Variants in SCUBE2 observed in about 807,000 individuals in gnomAD.
SCUBE2 encodes the protein signal peptide, CUB domain and EGF like domain containing 2, also known as signal peptide, CUB and EGF-like domain-containing protein 2.
A neutral mutation model predicts 125.9 loss-of-function variants in SCUBE2; 114 were observed. The ratio of observed to expected loss-of-function variants is 0.91; its 90% CI spans 0.78 to 1.06. The LOEUF (loss-of-function observed/expected upper bound fraction) is 1.06. Among genes scored for constraint, SCUBE2 ranks in the 50% least tolerant of loss-of-function variants. The pLI is 0.00. For missense variants in SCUBE2, 1,255 were observed against 1,301.8 expected, an observed-to-expected ratio of 0.96 and a Z score of 0.55; for synonymous variants, 459 against 492.9, an observed-to-expected ratio of 0.93 and a Z score of 0.91.
At chr11:9,040,759 G>A (rs549413423) in intron 16 of SCUBE2, among the ~76,000 whole-genome samples, 1 of 152,138 alleles carries the variant, frequency 6.6e-6, no homozygotes, top group Admixed American at 6.5e-5. Flanking sequence ...CATAAAGGGA[G>A]GATTCATATC....
intron 16 of SCUBE2, among the ~76,000 whole-genome samples, chr11:9,034,755 C>T (rs142516590): frequency 2.0e-5 from 3 of 151,990 alleles, no homozygotes; most frequent in Admixed American, 2.0e-4. Context: ...CCAAGGTGGG[C>T]GGATCACCTG....
rs138463590 is a variant in SCUBE2, at chr11:9,020,028, G to A, written c.*1017C>T. Among the ~76,000 whole-genome samples, 106 of 152,326 alleles carry A rather than the reference G, an allele frequency of 7.0e-4. No individual in the cohort carries two copies. Among genetic ancestry groups the A allele is most frequent in the African/African-American group, 2.4e-3 (101 of 41,562 alleles). On this transcript the variant is annotated 3_prime_UTR_variant, in exon 23 of 23. Coordinates refer to ENST00000649792, the MANE Select transcript of SCUBE2 (RefSeq NM_001367977.2). Reference sequence around the variant, plus strand: ...AGAGAATGAGACCACCCTTCAAGGGGCTGCTCATGTCCACGGAGCAGAGTC... The same window carrying A: ...AGAGAATGAGACCACCCTTCAAGGGACTGCTCATGTCCACGGAGCAGAGTC...
chr11:9,066,100 C>T (rs1033462609), intron 6 of SCUBE2, 120 bp from the exon 7 acceptor site: 2 of 687,400 alleles, frequency 2.9e-6, no homozygotes, highest in African/African-American at 3.5e-5. Flanking sequence ...TGACTCTGTT[C>T]ACGCAATAAA....
chr11:9,024,804 C>T (rs1273358919), intron 21 of SCUBE2, among the ~76,000 whole-genome samples: 1 of 152,222 alleles, frequency 6.6e-6, no homozygotes, highest in African/African-American at 2.4e-5. Context: ...CTTCTAAAAG[C>T]TCATGTAAAA....
At chr11:9,087,078 C>A (rs1448461050) in intron 2 of SCUBE2, among the ~76,000 whole-genome samples, 1 of 151,798 alleles carries the variant, frequency 6.6e-6, no homozygotes. Flanking sequence ...AATCACATAT[C>A]ATTTTAAAAT....
chr11:9,065,649 G>A (rs1468831650), intron 7 of SCUBE2, among the ~76,000 whole-genome samples: 1 of 152,180 alleles, frequency 6.6e-6, no homozygotes, highest in African/African-American at 2.4e-5. Flanking sequence ...ACAGCTAGGT[G>A]GGGGCTGCAT....
intron 19 of SCUBE2, 40 bp downstream of exon 19, chr11:9,029,844 T>G: frequency 6.2e-7 from 1 of 1,612,612 alleles, no homozygotes; most frequent in Non-Finnish European, 8.5e-7. Context: ...ACACCTATCT[T>G]CTTAGCCAGA....
At position 9,030,868 on chromosome 11, in the gene SCUBE2, G is replaced by A. The variant is rs1856242319; in HGVS notation, c.2231C>T (p.Ala744Val). 3 of 1,614,070 alleles carry A rather than the reference G, an allele frequency of 1.9e-6. No homozygotes were observed. Among genetic ancestry groups the A allele is most frequent in the Non-Finnish European group, 2.5e-6 (3 of 1,180,028 alleles). The change falls in exon 18 of 23, where the codon GCC (alanine) becomes GTC (valine). Residue 744 changes from alanine to valine, a missense_variant. By Grantham distance (64) the Ala-to-Val change is moderately conservative. Coordinates refer to ENST00000649792, the MANE Select transcript of SCUBE2 (RefSeq NM_001367977.2). ...AGCTTCAGGCTGGAACGTGCCCAGG[G>A]CACAGAGCTGGCAAGGTGCAAAGCC... ...ADGFAPCQLCALGTFQPEAGR... is the reference protein window; with the variant it reads ...ADGFAPCQLCVLGTFQPEAGR...
chr11:9,084,628 A>C (rs1266139384), intron 2 of SCUBE2, among the ~76,000 whole-genome samples: 1 of 152,256 alleles, frequency 6.6e-6, no homozygotes, highest in Admixed American at 6.5e-5. Flanking sequence ...GGACATGTTA[A>C]CATCATGTGC....
In SCUBE2 at chr11:9,072,851, G is replaced by A. The variant is rs184903924; in HGVS notation, c.517+1630C>T. Among the ~76,000 whole-genome samples the A allele has an allele frequency of 3.9e-5, 6 of 152,364 alleles. No homozygotes were observed. The East Asian group carries it at 9.6e-4, about 24-fold the overall frequency. ...GAAAATTTAGAAAACACAGTTTGCA[G>A]AAAGGAACTGCATTTGTATTTGCTT... On this transcript the variant is annotated intron_variant, in intron 4 of 22. Transcript: ENST00000649792.
intron 22 of SCUBE2, 149 bp downstream of exon 22, chr11:9,021,727 A>C (rs1855307738): frequency 2.0e-6 from 1 of 496,556 alleles, no homozygotes; most frequent in Non-Finnish European, 3.6e-6. Flanking sequence ...TTTAAAAATT[A>C]AGTCTGGTGA....
chr11:9,027,575 T>A lies in SCUBE2; in HGVS notation c.2504-14A>T. 2 of 1,607,928 alleles carry A rather than the reference T, an allele frequency of 1.2e-6. No individual in the cohort carries two copies. Among genetic ancestry groups the A allele is most frequent in the Non-Finnish European group, 1.7e-6 (2 of 1,175,830 alleles). ...CACATCTTCTGTCTGAAAAAGGAGATGCCCCGAGTTATGGCACGACACTGT... is the reference window on the plus strand; with the variant it reads ...CACATCTTCTGTCTGAAAAAGGAGAAGCCCCGAGTTATGGCACGACACTGT... On this transcript the variant is annotated splice_polypyrimidine_tract_variant and intron_variant, in intron 19 of 22. Coordinates refer to ENST00000649792, the MANE Select transcript of SCUBE2 (RefSeq NM_001367977.2).
chr11:9,080,962 T>C (rs1211189568), intron 2 of SCUBE2, among the ~76,000 whole-genome samples: 1 of 152,156 alleles, frequency 6.6e-6, no homozygotes, highest in Non-Finnish European at 1.5e-5. Context: ...TACAATGATA[T>C]GCAAATGACC....
chr11:9,027,419 CTCAGGGACCACGA>C lies in SCUBE2; in HGVS notation c.2633_2645del (p.Ile878ArgfsTer6). Reference sequence around the variant, plus strand: ...AGTCGTCCTCTATGGGCAGGAAGATCTCAGGGACCACGATCAGGATGCGGCGCTTGGGGGGTGG... The same window carrying C: ...AGTCGTCCTCTATGGGCAGGAAGATCTCAGGATGCGGCGCTTGGGGGGTGG... On this transcript the variant is annotated frameshift_variant, in exon 20 of 23. Transcript: ENST00000649792. LOFTEE classifies it high-confidence loss of function. The C allele has an allele frequency of 1.9e-6, 3 of 1,614,078 alleles. No individual in the cohort carries two copies. Among genetic ancestry groups the C allele is most frequent in the Non-Finnish European group, 2.5e-6 (3 of 1,180,016 alleles).
chr11:9,086,070 G>A (rs1862044156), intron 2 of SCUBE2, among the ~76,000 whole-genome samples: 1 of 152,122 alleles, frequency 6.6e-6, no homozygotes, highest in Non-Finnish European at 1.5e-5. Flanking sequence ...TTGAGCTCAA[G>A]GTATCCTCCT....
At chr11:9,077,298 T>G (rs1861282553) in intron 3 of SCUBE2, among the ~76,000 whole-genome samples, 1 of 152,080 alleles carries the variant, frequency 6.6e-6, no homozygotes, top group Non-Finnish European at 1.5e-5. Flanking sequence ...GTGATTCCAG[T>G]GTGCGGCCAG....
At chr11:9,045,592 C>G (rs886413178) in intron 16 of SCUBE2, among the ~76,000 whole-genome samples, 5 of 141,706 alleles carry the variant, frequency 3.5e-5, no homozygotes, top group Non-Finnish European at 7.6e-5. Flanking sequence ...TAGACCAGGA[C>G]TAGAAGACAG....
At chr11:9,034,706 C>A (rs778362853) in intron 16 of SCUBE2, among the ~76,000 whole-genome samples, 1 of 152,144 alleles carries the variant, frequency 6.6e-6, no homozygotes, top group South Asian at 2.1e-4. Flanking sequence ...ACAGGCTGTG[C>A]GCAGTGGCTC....
At position 9,044,502 on chromosome 11, in the gene SCUBE2, G is replaced by A. The variant is rs1252083655; in HGVS notation, c.2002+2854C>T. Among the ~76,000 whole-genome samples, 3 of 152,086 alleles carry A rather than the reference G, an allele frequency of 2.0e-5. No individual in the cohort carries two copies. The East Asian group carries it at 5.8e-4, about 29-fold the overall frequency. On this transcript the variant is annotated intron_variant, in intron 16 of 22. Transcript: ENST00000649792. The stretch of plus-strand genomic sequence containing the variant: ...CCACCTCGGCCTCCCAAAGTGCTGG[G>A]ATTACAGATGTGAGCCACTGCACCC...
Sources: allele counts gnomAD v4.1 joint callset (sites outside exome capture counted in the v4.1 genomes callset), GRCh38; gene constraint gnomAD v4.1.1; transcripts MANE v1.5; gene names NCBI Gene and HGNC (gene_info 2026-07-23, HGNC 2026-07-21).